Variants in DIP2B observed in about 807,000 individuals in gnomAD.
DIP2B encodes the protein disco-interacting protein 2 homolog B.
Under a neutral mutation model 198.0 loss-of-function variants are expected in DIP2B, and 76 were observed. The ratio of observed to expected loss-of-function variants is 0.38; its 90% CI spans 0.32 to 0.46. The LOEUF (loss-of-function observed/expected upper bound fraction) is 0.46. Ranked by LOEUF, DIP2B falls within the 20% of genes least tolerant of loss-of-function variation. The probability of loss-of-function intolerance (pLI) is 0.99; values close to 1 mark genes in which losing one functional copy is unlikely to be tolerated. For missense variants in DIP2B, 1,559 were observed against 1,978.4 expected (o/e 0.79, Z 4.02); for synonymous variants, 701 against 739.1 (o/e 0.95, Z 0.84).
chr12:50,701,267 C>A (rs1442842685), intron 19 of DIP2B, among the ~76,000 whole-genome samples: 1 of 152,160 alleles, frequency 6.6e-6, no homozygotes, highest in Non-Finnish European at 1.5e-5. Context: ...TTAAAGTTCC[C>A]AGTATTTTTC....
At chr12:50,666,859 A>C (rs1938763303) in intron 4 of DIP2B, among the ~76,000 whole-genome samples, 1 of 152,268 alleles carries the variant, frequency 6.6e-6, no homozygotes. Context: ...GTCTCTACTA[A>C]ATAATACAAA....
chr12:50,653,737 T>TC (rs1179364209), intron 3 of DIP2B, among the ~76,000 whole-genome samples: 1 of 152,198 alleles, frequency 6.6e-6, no homozygotes, highest in African/African-American at 2.4e-5. Flanking sequence ...TCTTTTTTTT[T>TC]CTCAAGAAAG....
chr12:50,695,289 C>A lies in DIP2B; in HGVS notation c.1742C>A (p.Thr581Lys), dbSNP rs758425595. 6 of 1,613,782 alleles carry A rather than the reference C, an allele frequency of 3.7e-6. No homozygotes were observed. The highest frequency in any genetic ancestry group is 5.1e-6 in the Non-Finnish European group (6 of 1,179,874). ...CAGAATGTAATGAATAAGATGCACA[C>A]AATCAGCGTACCCTACTCTGTTATG... ...MFANVMNKMH[T>K]ISVPYSVMKT... Residue 581 changes from threonine to lysine, a missense_variant, in exon 15 of 38, where the codon ACA (threonine) becomes AAA (lysine). Thr to Lys is a moderately conservative substitution (Grantham distance 78). Coordinates refer to ENST00000301180, the MANE Select transcript of DIP2B (RefSeq NM_173602.3).
intron 37 of DIP2B, 139 bp from the exon 38 acceptor site, chr12:50,744,448 A>G (rs1940312586): frequency 8.2e-6 from 9 of 1,096,596 alleles, no homozygotes; most frequent in Non-Finnish European, 1.2e-5. Flanking sequence ...AAGGTGTCAT[A>G]TATGGTAGAC....
chr12:50,530,058 C>T (rs1026242300), intron 1 of DIP2B, among the ~76,000 whole-genome samples: 1 of 152,090 alleles, frequency 6.6e-6, no homozygotes, highest in Admixed American at 6.5e-5. Flanking sequence ...TGTGCCTCTT[C>T]TGGGCCTTCC....
intron 2 of DIP2B, among the ~76,000 whole-genome samples, chr12:50,630,798 C>T (rs538386615): frequency 7.9e-4 from 118 of 150,212 alleles, no homozygotes; most frequent in African/African-American, 2.7e-3. Flanking sequence ...CAGCCTCCTG[C>T]GTAGCTGGGA....
At chr12:50,559,738 C>CACACACACAA in intron 1 of DIP2B, among the ~76,000 whole-genome samples, 1 of 151,844 alleles carries the variant, frequency 6.6e-6, no homozygotes, top group East Asian at 1.9e-4. Flanking sequence ...CACACACACA[C>CACACACACAA]ACACACAATT....
At chr12:50,565,101 C>CTT (rs1390847720) in intron 1 of DIP2B, among the ~76,000 whole-genome samples, 2 of 151,738 alleles carry the variant, frequency 1.3e-5, no homozygotes, top group Non-Finnish European at 2.9e-5. Flanking sequence ...CCTCCCGACT[C>CTT]AAGTGATCCT....
intron 1 of DIP2B, among the ~76,000 whole-genome samples, chr12:50,520,282 C>T (rs368752946): frequency 1.3e-5 from 2 of 151,942 alleles, no homozygotes; most frequent in African/African-American, 2.4e-5. Context: ...GTGATCTGCC[C>T]GCCTCGGCCT....
intron 27 of DIP2B, among the ~76,000 whole-genome samples, chr12:50,724,210 C>T (rs889585378): frequency 6.6e-6 from 1 of 152,168 alleles, no homozygotes; most frequent in Non-Finnish European, 1.5e-5. Context: ...GCCAGAAAAG[C>T]AGGGAGGGGA....
At chr12:50,615,896 T>G (rs1937692860) in intron 1 of DIP2B, among the ~76,000 whole-genome samples, 1 of 152,232 alleles carries the variant, frequency 6.6e-6, no homozygotes, top group Non-Finnish European at 1.5e-5. Context: ...AACCATCCCC[T>G]GGATTCCTCC....
intron 14 of DIP2B, among the ~76,000 whole-genome samples, chr12:50,694,078 G>C (rs192157511): frequency 6.6e-4 from 101 of 152,280 alleles, no homozygotes; most frequent in African/African-American, 2.0e-3. Context: ...AAGAAACAGG[G>C]ACATTTCGAT....
chr12:50,723,238 A>G lies in DIP2B; in HGVS notation c.3203A>G (p.Tyr1068Cys), dbSNP rs1164396295. ...ELIAAFYGCLYAGCIPVTVRP... is the reference protein window; with the variant it reads ...ELIAAFYGCLCAGCIPVTVRP... The stretch of plus-strand genomic sequence containing the variant: ...ATCGCCGCCTTCTATGGCTGCCTGT[A>G]TGCGGGCTGTATACCTGTGACCGTC... The change falls in exon 27 of 38, where the codon TAT becomes TGT. Residue 1068 changes from tyrosine to cysteine, a missense_variant. By Grantham distance (194) the Tyr-to-Cys change is radical. Coordinates refer to ENST00000301180, the MANE Select transcript of DIP2B (RefSeq NM_173602.3). The G allele has an allele frequency of 2.5e-6, 4 of 1,614,128 alleles. No individual in the cohort carries two copies. Among genetic ancestry groups the G allele is most frequent in the East Asian group, 4.5e-5 (2 of 44,886 alleles).
chr12:50,552,856 T>TTTTA (rs1354596956), intron 1 of DIP2B, among the ~76,000 whole-genome samples: 5 of 152,088 alleles, frequency 3.3e-5, no homozygotes, highest in Non-Finnish European at 7.4e-5. Flanking sequence ...TTTTGAGTTA[T>TTTTA]TTTATTTATT....
At chr12:50,593,736 C>CT (rs1958845422) in intron 1 of DIP2B, among the ~76,000 whole-genome samples, 1 of 4,840 alleles carries the variant, frequency 2.1e-4, no homozygotes, top group African/African-American at 2.5e-3. Context: ...CTCTCCTCTC[C>CT]TCTCCTCTCC....
intron 1 of DIP2B, among the ~76,000 whole-genome samples, chr12:50,557,256 A>G (rs1480194041): frequency 2.0e-5 from 3 of 152,180 alleles, no homozygotes; most frequent in Non-Finnish European, 4.4e-5. Flanking sequence ...GGGTGAGTGA[A>G]AGTGGGAAGC....
intron 1 of DIP2B, among the ~76,000 whole-genome samples, chr12:50,588,239 C>T (rs148286850): frequency 0.041 from 6,221 of 152,050 alleles, 206 homozygotes; most frequent in East Asian, 0.14. Flanking sequence ...GCAACCTCCG[C>T]CTCCCAGGTT....
intron 17 of DIP2B, among the ~76,000 whole-genome samples, chr12:50,697,896 A>C (rs1939345834): frequency 6.6e-6 from 1 of 151,614 alleles, no homozygotes; most frequent in South Asian, 2.1e-4. Flanking sequence ...ACTACACTAC[A>C]TTTTTTTTAA....
At chr12:50,560,188 A>G (rs1958506773) in intron 1 of DIP2B, among the ~76,000 whole-genome samples, 1 of 151,980 alleles carries the variant, frequency 6.6e-6, no homozygotes, top group Admixed American at 6.6e-5. Flanking sequence ...AGGTCAGGAG[A>G]TCGAGACCAT....
Sources: allele counts gnomAD v4.1 joint callset (sites outside exome capture counted in the v4.1 genomes callset), GRCh38; gene constraint gnomAD v4.1.1; transcripts MANE v1.5; gene names NCBI Gene and HGNC (gene_info 2026-07-23, HGNC 2026-07-21).